Variants in KIFAP3 observed in about 807,000 individuals in gnomAD.
KIFAP3 encodes kinesin associated protein 3.
A neutral mutation model predicts 106.5 loss-of-function variants in KIFAP3; 68 were observed. That is an observed-to-expected ratio of 0.64 (90% CI 0.53 to 0.78). The LOEUF (loss-of-function observed/expected upper bound fraction) is 0.78, where lower values mean the gene tolerates loss of function less well. Ranked by LOEUF, KIFAP3 falls within the 30% of genes least tolerant of loss-of-function variation. The pLI, the probability that KIFAP3 is intolerant of heterozygous loss-of-function variation, is 0.00. For synonymous variants in KIFAP3, 320 were observed against 311.5 expected, an observed-to-expected ratio of 1.03 and a Z score of -0.29; for missense variants, 780 against 941.8, an observed-to-expected ratio of 0.83 and a Z score of 2.25.
chr1:169,947,851 AGT>A (rs1664521190), intron 19 of KIFAP3, among the ~76,000 whole-genome samples: 1 of 151,756 alleles, frequency 6.6e-6, no homozygotes, highest in African/African-American at 2.4e-5. Context: ...TCATTTAAAA[AGT>A]GAAGAAGTTT....
chr1:170,081,511 G>A (rs1421348828), intron 1 of KIFAP3, among the ~76,000 whole-genome samples: 2 of 152,162 alleles, frequency 1.3e-5, no homozygotes, highest in Admixed American at 6.5e-5. Context: ...TTTTCTGGAT[G>A]CTTTAGAATA....
intron 11 of KIFAP3, among the ~76,000 whole-genome samples, chr1:169,988,130 T>C (rs551136551): frequency 1.3e-5 from 2 of 151,946 alleles, no homozygotes; most frequent in African/African-American, 4.8e-5. Flanking sequence ...TTGGGAGAGA[T>C]TATGAGACAT....
At chr1:170,038,082 A>C (rs1440681300) in intron 5 of KIFAP3, among the ~76,000 whole-genome samples, 2 of 152,208 alleles carry the variant, frequency 1.3e-5, no homozygotes, top group East Asian at 3.8e-4. Flanking sequence ...AAGAAAGAAA[A>C]GGTATAGTAC....
At chr1:169,998,667 CA>C (rs1221782416) in intron 10 of KIFAP3, among the ~76,000 whole-genome samples, 2 of 151,998 alleles carry the variant, frequency 1.3e-5, no homozygotes, top group African/African-American at 4.8e-5. Flanking sequence ...GCCTTTTATT[CA>C]GAAAAATACG....
At chr1:170,056,960 A>T (rs189922663) in intron 1 of KIFAP3, among the ~76,000 whole-genome samples, 11 of 152,274 alleles carry the variant, frequency 7.2e-5, no homozygotes, top group African/African-American at 2.6e-4. Flanking sequence ...TCCAAAAGGT[A>T]AGATAAACAG....
chr1:169,928,335 T>G (rs1056097426), intron 19 of KIFAP3, among the ~76,000 whole-genome samples: 7 of 152,008 alleles, frequency 4.6e-5, no homozygotes, highest in African/African-American at 1.7e-4. Context: ...CCTGACCTCA[T>G]GATCCACCCA....
intron 19 of KIFAP3, among the ~76,000 whole-genome samples, chr1:169,941,157 G>C (rs1025840903): frequency 1.3e-5 from 2 of 152,092 alleles, no homozygotes; most frequent in African/African-American, 4.8e-5. Flanking sequence ...TACAATTTAA[G>C]TAGACATAGG....
At chr1:169,930,854 C>A (rs1430383489) in intron 19 of KIFAP3, among the ~76,000 whole-genome samples, 3 of 151,594 alleles carry the variant, frequency 2.0e-5, no homozygotes, top group African/African-American at 7.3e-5. Flanking sequence ...AGGAGTGGTC[C>A]CTTCCAAATT....
At chr1:170,048,669 G>A (rs1670403700) in intron 2 of KIFAP3, among the ~76,000 whole-genome samples, 2 of 151,496 alleles carry the variant, frequency 1.3e-5, no homozygotes, top group Non-Finnish European at 2.9e-5. Flanking sequence ...GTTAGGCAGT[G>A]GGTACAACCC....
At chr1:170,076,825 C>T (rs1671928345), upstream of KIFAP3, among the ~76,000 whole-genome samples, 1 of 152,166 alleles carries the variant, frequency 6.6e-6, no homozygotes, top group Non-Finnish European at 1.5e-5. Flanking sequence ...CAAAGTTTTA[C>T]CCCGCATATT....
chr1:170,029,930 G>T (rs923871787), intron 8 of KIFAP3, among the ~76,000 whole-genome samples: 1 of 151,912 alleles, frequency 6.6e-6, no homozygotes, highest in African/African-American at 2.4e-5. Flanking sequence ...TATGCAAAAA[G>T]AATGAAGAAC....
In KIFAP3 at chr1:170,031,911, C is replaced by CA; in HGVS notation, c.815dup (p.Val273GlyfsTer19). ...CTCGTAATAGCTGTTCCTGTTTTACCACAAGCCCCTGGTACTTTTTAAAGG... is the reference window on the plus strand; with the variant it reads ...CTCGTAATAGCTGTTCCTGTTTTACCAACAAGCCCCTGGTACTTTTTAAAGG... On this transcript the variant is annotated frameshift_variant, in exon 8 of 20. Coordinates refer to ENST00000361580, the MANE Select transcript of KIFAP3 (RefSeq NM_014970.4). LOFTEE classifies it high-confidence loss of function. The CA allele has an allele frequency of 6.2e-7, 1 of 1,610,266 alleles. No homozygotes were observed. The highest frequency in any genetic ancestry group is 1.7e-4 in the Middle Eastern group (1 of 6,046).
chr1:170,029,579 C>A, intron 8 of KIFAP3, among the ~76,000 whole-genome samples: 1 of 151,380 alleles, frequency 6.6e-6, no homozygotes, highest in African/African-American at 2.4e-5. Flanking sequence ...ACCTCAGCTT[C>A]CACTTAAACA....
intron 10 of KIFAP3, among the ~76,000 whole-genome samples, chr1:170,013,432 T>C (rs544136104): frequency 6.6e-6 from 1 of 150,716 alleles, no homozygotes; most frequent in Admixed American, 6.6e-5. Flanking sequence ...TCCCTATTCA[T>C]ATATACTATT....
chr1:169,968,832 A>T (rs1264803117), intron 17 of KIFAP3, among the ~76,000 whole-genome samples: 4 of 82,874 alleles, frequency 4.8e-5, no homozygotes, highest in Non-Finnish European at 1.0e-4. Context: ...GTTGCCAATT[A>T]AAAAAAAAAA....
intron 19 of KIFAP3, among the ~76,000 whole-genome samples, chr1:169,945,319 C>T (rs909614405): frequency 3.8e-4 from 58 of 152,108 alleles, no homozygotes; most frequent in Non-Finnish European, 1.2e-4. Flanking sequence ...AGGGGGCCTT[C>T]CCCAGGCCCC....
chr1:170,006,375 A>C (rs1023094483), intron 10 of KIFAP3, among the ~76,000 whole-genome samples: 3 of 152,216 alleles, frequency 2.0e-5, no homozygotes, highest in African/African-American at 7.2e-5. Context: ...ATGGTGGTTC[A>C]ATATTATTCA....
intron 3 of KIFAP3, among the ~76,000 whole-genome samples, chr1:170,040,548 C>T (rs1214728772): frequency 6.6e-6 from 1 of 152,000 alleles, no homozygotes; most frequent in African/African-American, 2.4e-5. Context: ...ATTCTAAATG[C>T]CTTCAGAATT....
chr1:170,058,362 A>T (rs1670958461), intron 1 of KIFAP3, among the ~76,000 whole-genome samples: 1 of 152,298 alleles, frequency 6.6e-6, no homozygotes, highest in South Asian at 2.1e-4. Flanking sequence ...GAGCCGTTTT[A>T]GGAAGTGTTT....
Sources: gnomAD v4.1 joint callset for allele counts (sites outside exome capture counted in the v4.1 genomes callset) on GRCh38, gnomAD v4.1.1 for gene constraint, MANE v1.5 for transcripts, NCBI Gene and HGNC (gene_info 2026-07-23, HGNC 2026-07-21) for gene names.